The following THRB variants were observed in gnomAD, a reference collection of about 807,000 sequenced individuals.
THRB encodes the protein nuclear receptor subfamily 1 group A member 2.
In THRB, 12 loss-of-function variants were observed where a neutral mutation model predicts 47.8. That is an observed-to-expected ratio of 0.25 (90% CI 0.16 to 0.41). THRB has a LOEUF of 0.41. Among genes scored for constraint, THRB ranks in the 10% least tolerant of loss-of-function variants. The probability of loss-of-function intolerance (pLI) is 1.00; values close to 1 mark genes in which losing one functional copy is unlikely to be tolerated. For synonymous variants in THRB, 218 were observed against 212.2 expected, an observed-to-expected ratio of 1.03 and a Z score of -0.24; for missense variants, 348 against 589.2, an observed-to-expected ratio of 0.59 and a Z score of 4.24.
intron 1 of THRB, 137 bp from the exon 2 acceptor site, chr3:24,337,508 T>C (rs2062335659): frequency 6.6e-6 from 1 of 152,234 alleles, no homozygotes; most frequent in Admixed American, 6.5e-5. Flanking sequence ...TTTGAATAGA[T>C]GCAAATAGAC....
At chr3:24,142,769 C>T (rs539628827) in intron 8 of THRB, among the ~76,000 whole-genome samples, 57 of 152,284 alleles carry the variant, frequency 3.7e-4, no homozygotes, top group African/African-American at 1.2e-3. Flanking sequence ...TTTAGCAGTG[C>T]GATCCTGGGC....
At chr3:24,245,387 C>A (rs9850764) in intron 3 of THRB, among the ~76,000 whole-genome samples, 32,433 of 152,096 alleles carry the variant, frequency 0.21, 4,976 homozygotes, top group African/African-American at 0.43. Context: ...TAAGCCCCAC[C>A]CCTTTCCTTC....
intron 4 of THRB, among the ~76,000 whole-genome samples, chr3:24,206,521 C>T (rs1171380931): frequency 6.6e-6 from 1 of 151,938 alleles, no homozygotes; most frequent in Non-Finnish European, 1.5e-5. Flanking sequence ...GGGAAATTTA[C>T]AGCACTAAAT....
At chr3:24,329,789 A>C (rs1302213449) in intron 2 of THRB, among the ~76,000 whole-genome samples, 1 of 152,224 alleles carries the variant, frequency 6.6e-6, no homozygotes, top group Non-Finnish European at 1.5e-5. Flanking sequence ...TTGATGAAAA[A>C]TTCCTTCAGA....
chr3:24,253,480 G>C (rs2050878188), intron 3 of THRB, among the ~76,000 whole-genome samples: 1 of 152,170 alleles, frequency 6.6e-6, no homozygotes, highest in Admixed American at 6.6e-5. Context: ...ATGTCACATG[G>C]AATAAGCAGC....
At chr3:24,478,898 T>C (rs1487853641) in intron 1 of THRB, among the ~76,000 whole-genome samples, 1 of 152,162 alleles carries the variant, frequency 6.6e-6, no homozygotes, top group Non-Finnish European at 1.5e-5. Flanking sequence ...CCCAAGAGGA[T>C]ACTAGGCAAT....
chr3:24,263,348 C>G (rs1355001743), intron 3 of THRB, among the ~76,000 whole-genome samples: 1 of 152,014 alleles, frequency 6.6e-6, no homozygotes, highest in Admixed American at 6.6e-5. Context: ...TCTCTGTTTA[C>G]CAAATGAGGA....
At position 24,335,899 on chromosome 3, in the gene THRB, G is replaced by A. The variant is rs573495556; in HGVS notation, c.-189+1401C>T. On this transcript the variant is annotated intron_variant, in intron 2 of 10. Coordinates refer to ENST00000646209, the MANE Select transcript of THRB (RefSeq NM_001354712.2). ...CCCCAGTTTCCTGGTGGGAATGGAA[G>A]ACCTCTGAGGTCACCTTGATTGAGG... Among the ~76,000 whole-genome samples, 13 of 152,328 alleles carry A rather than the reference G, an allele frequency of 8.5e-5. No individual in the cohort carries two copies. The East Asian group carries it at 1.2e-3, about 14-fold the overall frequency.
intron 1 of THRB, among the ~76,000 whole-genome samples, chr3:24,369,592 T>C (rs540402093): frequency 1.1e-4 from 16 of 152,242 alleles, no homozygotes; most frequent in Admixed American, 7.9e-4. Flanking sequence ...TGCAGCAGTA[T>C]TTTACCCCTA....
intron 5 of THRB, among the ~76,000 whole-genome samples, chr3:24,160,670 C>A (rs1676820587): frequency 6.6e-6 from 1 of 152,114 alleles, no homozygotes; most frequent in African/African-American, 2.4e-5. Flanking sequence ...ACCGGTGAAG[C>A]CAAGGACCCA....
At chr3:24,280,672 T>G (rs894119263) in intron 3 of THRB, among the ~76,000 whole-genome samples, 39 of 152,040 alleles carry the variant, frequency 2.6e-4, no homozygotes, top group African/African-American at 8.4e-4. Context: ...CAAAGGCAAA[T>G]AAGTTGAAAA....
intron 1 of THRB, among the ~76,000 whole-genome samples, chr3:24,362,517 G>T (rs553488776): frequency 6.6e-6 from 1 of 151,956 alleles, no homozygotes; most frequent in African/African-American, 2.4e-5. Flanking sequence ...TCTCTCCATA[G>T]CACTTATCAC....
rs1160110575 is a variant in THRB at position 24,117,541 on chromosome 3, T to C, written c.*5343A>G. 1 of 152,246 alleles carries C rather than the reference T, an allele frequency of 6.6e-6. No homozygotes were observed. The highest frequency in any genetic ancestry group is 1.5e-5 in the Non-Finnish European group (1 of 68,054). The allele number at this position is 152,246 out of a possible 1,614,324, so 9.4% of individuals were successfully genotyped here. ...AGTGAGAATTAGGCCAGAATTTTCA[T>C]TAGAATTGTTGGAGAAAAGAAATTC... On this transcript the variant is annotated 3_prime_UTR_variant, in exon 11 of 11. Transcript: ENST00000646209.
intron 1 of THRB, among the ~76,000 whole-genome samples, chr3:24,464,810 C>A (rs2074002697): frequency 6.6e-6 from 1 of 152,042 alleles, no homozygotes; most frequent in Non-Finnish European, 1.5e-5. Context: ...GTAAACCAAC[C>A]AAAATCTAAA....
At chr3:24,180,978 T>C (rs1168167024) in intron 5 of THRB, among the ~76,000 whole-genome samples, 2 of 152,176 alleles carry the variant, frequency 1.3e-5, no homozygotes, top group African/African-American at 2.4e-5. Context: ...GTTTTTTTTA[T>C]GGAAAATGAG....
At chr3:24,419,678 A>G (rs1423601993) in intron 1 of THRB, among the ~76,000 whole-genome samples, 1 of 151,974 alleles carries the variant, frequency 6.6e-6, no homozygotes. Context: ...ATAACATTGC[A>G]TAGTCCTTTG....
chr3:24,203,848 CAGG>C (rs1406400839), intron 4 of THRB, among the ~76,000 whole-genome samples: 2 of 152,256 alleles, frequency 1.3e-5, no homozygotes, highest in East Asian at 1.9e-4. Context: ...AACGGCACAC[CAGG>C]AGATTATATC....
At chr3:24,441,488 AC>A (rs1321724413) in intron 1 of THRB, among the ~76,000 whole-genome samples, 2 of 152,244 alleles carry the variant, frequency 1.3e-5, no homozygotes, top group East Asian at 3.8e-4. Flanking sequence ...CAATGGAGGC[AC>A]ATTAACAGAT....
intron 1 of THRB, among the ~76,000 whole-genome samples, chr3:24,376,611 G>A (rs1318958515): frequency 6.6e-6 from 1 of 151,452 alleles, no homozygotes; most frequent in Admixed American, 6.6e-5. Context: ...GAAAAGAGAC[G>A]TTGCTGAACA....
Sources: gnomAD v4.1 joint callset for allele counts (sites outside exome capture counted in the v4.1 genomes callset) on GRCh38, gnomAD v4.1.1 for gene constraint, MANE v1.5 for transcripts, NCBI Gene and HGNC (gene_info 2026-07-23, HGNC 2026-07-21) for gene names.